GAL3ST4: variants seen among roughly 807,000 people sequenced by gnomAD.
GAL3ST4 encodes beta-galactose-3-O-sulfotransferase 4.
In GAL3ST4, 30 loss-of-function variants were observed where a neutral mutation model predicts 31.6. The ratio of observed to expected loss-of-function variants is 0.95; its 90% CI spans 0.71 to 1.29. The LOEUF (loss-of-function observed/expected upper bound fraction) is 1.29, where lower values mean the gene tolerates loss of function less well. Ranked by LOEUF, GAL3ST4 falls within the 50% of genes most tolerant of loss-of-function variation. The probability of loss-of-function intolerance (pLI) is 0.00; values close to 1 mark genes in which losing one functional copy is unlikely to be tolerated. For synonymous variants in GAL3ST4, 248 were observed against 256.9 expected, an observed-to-expected ratio of 0.97 and a Z score of 0.33; for missense variants, 629 against 625.2, an observed-to-expected ratio of 1.01 and a Z score of -0.06.
intron 3 of GAL3ST4, among the ~76,000 whole-genome samples, chr7:100,164,894 A>C (rs1247635839): frequency 1.6e-5 from 2 of 128,868 alleles, no homozygotes; most frequent in African/African-American, 2.9e-5. Context: ...TTTTTTTTTG[A>C]GACAGAGTCT....
chr7:100,162,888 G>T (rs1203278663), intron 3 of GAL3ST4, among the ~76,000 whole-genome samples: 2 of 151,402 alleles, frequency 1.3e-5, no homozygotes. Context: ...GGAAAAAAAA[G>T]AAAAAGAAAA....
In GAL3ST4 at chr7:100,159,985, C is replaced by G. The variant is rs765114251; in HGVS notation, c.1404G>C (p.Lys468Asn). 1 of 1,613,668 alleles carries G rather than the reference C, an allele frequency of 6.2e-7. No homozygotes were observed. Among genetic ancestry groups the G allele is most frequent in the Non-Finnish European group, 8.5e-7 (1 of 1,179,870 alleles). The change falls in exon 4 of 4, where the codon AAG becomes AAC. Residue 468 changes from lysine (K) to asparagine (N), a missense_variant. Physicochemically the swap from Lys to Asn is moderately conservative, Grantham distance 94. Coordinates refer to ENST00000360039, the MANE Select transcript of GAL3ST4 (RefSeq NM_024637.5). ...GCAGTGAGACGGTAGGGGGGAACTG[C>G]TTGGCATCCAGCTTGTCCTTGTACT... ...ELQYKDKLDAKQFPPTVSLPL... is the reference protein window; with the variant it reads ...ELQYKDKLDANQFPPTVSLPL...
At position 100,160,579 on chromosome 7, in the gene GAL3ST4, G is replaced by A; in HGVS notation, c.810C>T (p.Arg270=). 6.2e-7 allele frequency: 1 copy of A among 1,613,834 alleles called. No homozygotes were observed. Among genetic ancestry groups the A allele is most frequent in the Non-Finnish European group, 8.5e-7 (1 of 1,180,050 alleles). Residue 270 remains arginine (R), a synonymous_variant, in exon 4 of 4, where the codon CGC becomes CGT. Transcript: ENST00000360039. ...AAGAGGCAGGGCTTGATATCTGGCTGCGATGATCAGTAACAGTGGAAACAG... is the reference window on the plus strand; with the variant it reads ...AAGAGGCAGGGCTTGATATCTGGCTACGATGATCAGTAACAGTGGAAACAG... ...IHPVSTVTDH[R]SQISSPASFD...
rs747670454 is a variant in GAL3ST4 at position 100,160,122 on chromosome 7, G to A, written c.1267C>T (p.Arg423Trp). ...ASDPKYITDR[R>W]FRPFQFGSAK... is the part of the protein sequence containing the mutation. Reference sequence around the variant, plus strand: ...GACCCAAACTGGAAGGGGCGGAACCGGCGATCAGTGATGTATTTGGGGTCA... The same window carrying A: ...GACCCAAACTGGAAGGGGCGGAACCAGCGATCAGTGATGTATTTGGGGTCA... Residue 423 changes from arginine to tryptophan, a missense_variant, in exon 4 of 4, where the codon CGG becomes TGG. Transcript: ENST00000360039. 4 of 1,613,918 alleles carry A rather than the reference G, an allele frequency of 2.5e-6. No individual in the cohort carries two copies. The highest frequency in any genetic ancestry group is 2.2e-5 in the East Asian group (1 of 44,876).
At position 100,160,168 on chromosome 7, in the gene GAL3ST4, A is replaced by T; in HGVS notation, c.1221T>A (p.Cys407Ter). Residue 407 changes from cysteine (C) to a stop codon, truncating the protein, a stop_gained, in exon 4 of 4, where the codon TGT becomes TGA. Coordinates refer to ENST00000360039, the MANE Select transcript of GAL3ST4 (RefSeq NM_024637.5). LOFTEE classifies it high-confidence loss of function. ...RARREALAKH[C>*]LVGGEASDPK... ...GGTCAGAAGCCTCACCCCCTACCAG[A>T]CAATGTTTCGCTAGGGCCTCTCGGC... 1 of 1,614,074 alleles carries T rather than the reference A, an allele frequency of 6.2e-7. No homozygotes were observed. Among genetic ancestry groups the T allele is most frequent in the Non-Finnish European group, 8.5e-7 (1 of 1,179,964 alleles).
chr7:100,160,969 A>T lies in GAL3ST4; in HGVS notation c.430-10T>A, dbSNP rs1336466840. On this transcript the variant is annotated splice_polypyrimidine_tract_variant and intron_variant, in intron 3 of 3. Transcript: ENST00000360039. ...GCATGACCTGAAGTACCTGCAGAGG[A>T]GGGAAGACAGAAGAGAGAGAACTGG... 1 of 1,568,602 alleles carries T rather than the reference A, an allele frequency of 6.4e-7. No individual in the cohort carries two copies. Among genetic ancestry groups the T allele is most frequent in the Non-Finnish European group, 8.6e-7 (1 of 1,160,864 alleles).
Position 100,160,730 on chromosome 7 carries a change from G to T in GAL3ST4, c.659C>A (p.Pro220Gln). 1.2e-6 allele frequency: 2 copies of T among 1,613,936 alleles called. No homozygotes were observed. The highest frequency in any genetic ancestry group is 1.7e-6 in the Non-Finnish European group (2 of 1,179,912). ...ATTCCCTCTCTTGGCCCTCTTCTCT[G>T]GGGGAAAGGGCAGGCCAAAGTCAAA... ...LWFDFGLPFP[P>Q]EKRAKRGNIH... Residue 220 changes from proline to glutamine, a missense_variant, in exon 4 of 4, where the codon CCA becomes CAA. Coordinates refer to ENST00000360039, the MANE Select transcript of GAL3ST4 (RefSeq NM_024637.5).
In GAL3ST4 at chr7:100,167,229, AC is replaced by A. The variant is rs1383531241; in HGVS notation, c.-135del. 1 of 1,525,878 alleles carries A rather than the reference AC, an allele frequency of 6.6e-7. No homozygotes were observed. Among genetic ancestry groups the A allele is most frequent in the Non-Finnish European group, 8.8e-7 (1 of 1,134,222 alleles). The allele number at this position is 1,525,878 out of a possible 1,614,324, so 94.5% of individuals were successfully genotyped here. ...GGGGGGTCATTCCCCAGGCCTGCTCACAGTCTTGGTTGAGTCTGCCCCCTGA... is the reference window on the plus strand; with the variant it reads ...GGGGGGTCATTCCCCAGGCCTGCTCAAGTCTTGGTTGAGTCTGCCCCCTGA... On this transcript the variant is annotated 5_prime_UTR_variant, in exon 2 of 4. Transcript: ENST00000360039.
At position 100,167,241 on chromosome 7, in the gene GAL3ST4, G is replaced by A. The variant is rs1313597784; in HGVS notation, c.-146C>T. 4.7e-6 allele frequency: 7 copies of A among 1,496,360 alleles called. No homozygotes were observed. The highest frequency in any genetic ancestry group is 1.4e-5 in the African/African-American group (1 of 71,510). 92.7% of individuals were successfully genotyped at this position (1,496,360 alleles called of 1,614,324 possible). ...CCCAGGCCTGCTCACAGTCTTGGTTGAGTCTGCCCCCTGAGTTAGCAGATT... is the reference window on the plus strand; with the variant it reads ...CCCAGGCCTGCTCACAGTCTTGGTTAAGTCTGCCCCCTGAGTTAGCAGATT... On this transcript the variant is annotated 5_prime_UTR_variant, in exon 2 of 4. Transcript: ENST00000360039.
rs1241794301 is a variant in GAL3ST4 at position 100,159,527 on chromosome 7, A to C, written c.*401T>G. 4.1e-5 allele frequency: 7 copies of C among 172,018 alleles called. No individual in the cohort carries two copies. In the East Asian group the frequency reaches 1.2e-3, roughly 29 times the overall value. The allele number at this position is 172,018 out of a possible 1,614,324, so 10.7% of individuals were successfully genotyped here. On this transcript the variant is annotated 3_prime_UTR_variant, in exon 4 of 4. Transcript: ENST00000360039. Reference sequence around the variant, plus strand: ...CACCTGAGGTGAGGAGTTCAAGACCAGCCTAACCAACATGTTGAATCCCTG... The same window carrying C: ...CACCTGAGGTGAGGAGTTCAAGACCCGCCTAACCAACATGTTGAATCCCTG...
chr7:100,160,452 G>C lies in GAL3ST4; in HGVS notation c.937C>G (p.Leu313Val). The change falls in exon 4 of 4, where the codon CTG becomes GTG. Residue 313 changes from leucine to valine, a missense_variant. Transcript: ENST00000360039. ...VAEYFDESLV[L>V]LADALCWGLD... ...CCCCAGCACAGGGCATCTGCCAGCA[G>C]AACCAATGACTCATCGAAGTACTCA... 6.2e-7 allele frequency: 1 copy of C among 1,614,158 alleles called. No individual in the cohort carries two copies. The highest frequency in any genetic ancestry group is 8.5e-7 in the Non-Finnish European group (1 of 1,180,046).
In GAL3ST4 at chr7:100,159,978, G is replaced by A. The variant is rs201798961; in HGVS notation, c.1411C>T (p.Pro471Ser). The change falls in exon 4 of 4, where the codon CCC becomes TCC. Residue 471 changes from proline (P) to serine (S), a missense_variant. Transcript: ENST00000360039. ...YKDKLDAKQFPPTVSLPLKTS... is the reference protein window; with the variant it reads ...YKDKLDAKQFSPTVSLPLKTS... ...TTGAGGGGCAGTGAGACGGTAGGGG[G>A]GAACTGCTTGGCATCCAGCTTGTCC... 2 of 1,613,668 alleles carry A rather than the reference G, an allele frequency of 1.2e-6. No homozygotes were observed. Among genetic ancestry groups the A allele is most frequent in the Non-Finnish European group, 1.7e-6 (2 of 1,179,778 alleles).
In GAL3ST4 at chr7:100,160,272, A is replaced by G; in HGVS notation, c.1117T>C (p.Phe373Leu). The G allele has an allele frequency of 6.2e-7, 1 of 1,613,998 alleles. No individual in the cohort carries two copies. Among genetic ancestry groups the G allele is most frequent in the Middle Eastern group, 1.6e-4 (1 of 6,062 alleles). ...NNLDWALYVH[F>L]NRSLWARIEK... Reference sequence around the variant, plus strand: ...ATCCGTGCCCAGAGACTGCGGTTGAAGTGGACATAGAGAGCCCAGTCCAGG... The same window carrying G: ...ATCCGTGCCCAGAGACTGCGGTTGAGGTGGACATAGAGAGCCCAGTCCAGG... The change falls in exon 4 of 4, where the codon TTC becomes CTC. Residue 373 changes from phenylalanine (F) to leucine (L), a missense_variant. By Grantham distance (22) the Phe-to-Leu change is conservative. Transcript: ENST00000360039.
chr7:100,167,321 G>T, intron 1 of GAL3ST4, 38 bp from the exon 2 acceptor site: 1 of 1,124,016 alleles, frequency 8.9e-7, no homozygotes, highest in Non-Finnish European at 1.2e-6. Flanking sequence ...GGAAGTCTAA[G>T]GAGAGAGGCA....
chr7:100,168,500 G>A lies in GAL3ST4; in HGVS notation c.-189+46C>T, dbSNP rs879612892. On this transcript the variant is annotated intron_variant, in intron 1 of 3. Transcript: ENST00000360039. This position sits in a 1 kb window ranked among gnomAD's most constrained non-coding sequence, Gnocchi z 4.1. ...CCCTCATGTCTCCTCCCATAAATTA[G>A]AGGGTCCCTCCACTGGTCCTATCCT... 2.6e-5 allele frequency: 4 copies of A among 152,252 alleles called. No individual in the cohort carries two copies. Among genetic ancestry groups the A allele is most frequent in the African/African-American group, 9.7e-5 (4 of 41,396 alleles). The allele number at this position is 152,252 out of a possible 1,614,324, so 9.4% of individuals were successfully genotyped here.
At chr7:100,165,202 G>A (rs984098843) in intron 3 of GAL3ST4, among the ~76,000 whole-genome samples, 6 of 143,668 alleles carry the variant, frequency 4.2e-5, no homozygotes, top group South Asian at 2.2e-4. Flanking sequence ...ATGGAGTCTC[G>A]CTCTGTTGCC....
chr7:100,160,071 G>T lies in GAL3ST4; in HGVS notation c.1318C>A (p.Arg440=). The change falls in exon 4 of 4, where the codon CGG becomes AGG. Residue 440 remains arginine, a synonymous_variant. Transcript: ENST00000360039. ...TGGTCTTGGGGGCTCAATCCACTCCGAAGTATATAGCCCAAAACCTTAGCT... is the reference window on the plus strand; with the variant it reads ...TGGTCTTGGGGGCTCAATCCACTCCTAAGTATATAGCCCAAAACCTTAGCT... The part of the protein sequence containing the change: ...GSAKVLGYIL[R]SGLSPQDQEE... 1.9e-6 allele frequency: 3 copies of T among 1,614,094 alleles called. No homozygotes were observed. The highest frequency in any genetic ancestry group is 2.2e-5 in the East Asian group (1 of 44,886).
intron 3 of GAL3ST4, 138 bp downstream of exon 3, chr7:100,166,364 C>T: frequency 1.2e-6 from 1 of 865,814 alleles, no homozygotes; most frequent in Non-Finnish European, 1.8e-6. Context: ...TGGCAGGGAG[C>T]CCAACTTTGT....
At position 100,160,904 on chromosome 7, in the gene GAL3ST4, G is replaced by A. The variant is rs550951408; in HGVS notation, c.485C>T (p.Ala162Val). The stretch of plus-strand genomic sequence containing the variant: ...GGAGAAGGCAGAGCGAGCCAGAGCC[G>A]CTGGGTCTCGGACAATGGAAAAAAA... ...SFFFSIVRDP[A>V]ALARSAFSYY... Residue 162 changes from alanine to valine, a missense_variant, in exon 4 of 4, where the codon GCG becomes GTG. Transcript: ENST00000360039. 3.5e-5 allele frequency: 56 copies of A among 1,613,416 alleles called. No individual in the cohort carries two copies. Among genetic ancestry groups the A allele is most frequent in the South Asian group, 1.2e-4 (11 of 91,034 alleles).
Sources: gnomAD v4.1 joint callset for allele counts (sites outside exome capture counted in the v4.1 genomes callset) on GRCh38, gnomAD v4.1.1 for gene constraint, Gnocchi (gnomAD v3.1) non-coding constraint, MANE v1.5 for transcripts, NCBI Gene and HGNC (gene_info 2026-07-23, HGNC 2026-07-21) for gene names.